The following COLEC10 variants were observed in gnomAD, a reference collection of about 807,000 sequenced individuals.
The protein encoded by COLEC10 is collectin subfamily member 10.
In COLEC10, 22 loss-of-function variants were observed where a neutral mutation model predicts 28.4. That is an observed-to-expected ratio of 0.78 (90% CI 0.55 to 1.11). The LOEUF is 1.11. Ranked by LOEUF, COLEC10 falls within the 50% of genes least tolerant of loss-of-function variation. The probability of loss-of-function intolerance (pLI) is 0.00; values close to 1 mark genes in which losing one functional copy is unlikely to be tolerated. For missense variants in COLEC10, 361 were observed against 344.1 expected, an observed-to-expected ratio of 1.05 and a Z score of -0.39; for synonymous variants, 125 against 116.1, an observed-to-expected ratio of 1.08 and a Z score of -0.49.
chr8:119,008,907 A>G (rs1813856050), intron 1 of COLEC10, among the ~76,000 whole-genome samples: 1 of 151,202 alleles, frequency 6.6e-6, no homozygotes, highest in South Asian at 2.1e-4. Context: ...TGCCTGGCAC[A>G]TAACAGGCAC....
intron 3 of COLEC10, among the ~76,000 whole-genome samples, chr8:119,093,696 A>G (rs1181893613): frequency 6.6e-6 from 1 of 152,188 alleles, no homozygotes; most frequent in Non-Finnish European, 1.5e-5. Flanking sequence ...CTTTTAAGAC[A>G]TATTTCTTTT....
At chr8:118,976,600 G>A in the COLEC10 span, 4 of 152,426 alleles carry the variant, frequency 2.6e-5, no homozygotes, top group African/African-American at 9.6e-5. Context: ...ACGCAAATTC[G>A]TGAAGCGTTC....
At chr8:118,996,224 T>C (rs1813586618) in intron 1 of COLEC10, among the ~76,000 whole-genome samples, 2 of 152,232 alleles carry the variant, frequency 1.3e-5, no homozygotes, top group South Asian at 4.1e-4. Flanking sequence ...TGGCTAAGGC[T>C]GAATAGTTTT....
chr8:119,000,663 A>G (rs1409134653), intron 1 of COLEC10, among the ~76,000 whole-genome samples: 32 of 152,134 alleles, frequency 2.1e-4, no homozygotes, highest in Non-Finnish European at 4.4e-4. Flanking sequence ...GCAAAAGGGA[A>G]TGGAGGTCAG....
At chr8:119,040,733 C>A (rs1814479495) in intron 2 of COLEC10, among the ~76,000 whole-genome samples, 1 of 152,090 alleles carries the variant, frequency 6.6e-6, no homozygotes, top group Non-Finnish European at 1.5e-5. Context: ...ATAAAGGAAC[C>A]AACAAGAGAC....
At chr8:118,984,822 T>G in the COLEC10 span, among the ~76,000 whole-genome samples, 1 of 152,164 alleles carries the variant, frequency 6.6e-6, no homozygotes, top group Non-Finnish European at 1.5e-5. Context: ...CACAGTTCCA[T>G]GTGGCTGAAG....
chr8:119,022,753 GTAGTCACAGTA>G lies in COLEC10; in HGVS notation n.235+13201_235+13211del. Among the ~76,000 whole-genome samples the G allele has an allele frequency of 2.0e-5, 3 of 152,132 alleles. No homozygotes were observed. In the East Asian group the frequency reaches 5.8e-4, roughly 29 times the overall value. On this transcript the variant is annotated intron_variant and non_coding_transcript_variant, in intron 2 of 6. Coordinates refer to the COLEC10 transcript ENST00000521788. ...CTCCACTGGCTGCCTCCCCAGCTCA[GTAGTCACAGTA>G]ATCCTTTTAAAATGTAAGCCAGATC...
chr8:118,998,024 A>G (rs867903994), intron 1 of COLEC10, among the ~76,000 whole-genome samples: 2 of 152,322 alleles, frequency 1.3e-5, no homozygotes, highest in East Asian at 1.9e-4. Context: ...CATATGATCA[A>G]TCAAGACCTG....
intron 2 of COLEC10, among the ~76,000 whole-genome samples, chr8:119,037,408 GA>G (rs1814408637): frequency 6.6e-6 from 1 of 151,896 alleles, no homozygotes; most frequent in African/African-American, 2.4e-5. Flanking sequence ...TTCTAAACTT[GA>G]TATTTTTTTT....
chr8:119,103,730 A>G, intron 4 of COLEC10, 70 bp from the exon 5 acceptor site: 1 of 881,586 alleles, frequency 1.1e-6, no homozygotes, highest in Admixed American at 1.8e-5. Context: ...TATTGGAAAG[A>G]GAGCAAATGT....
At chr8:119,059,262 A>G (rs1563730203) in intron 2 of COLEC10, among the ~76,000 whole-genome samples, 4 of 151,538 alleles carry the variant, frequency 2.6e-5, no homozygotes, top group Non-Finnish European at 5.9e-5. Context: ...CTTTTGGTGT[A>G]CTAAGAAACT....
intron 1 of COLEC10, among the ~76,000 whole-genome samples, chr8:119,072,895 A>G (rs1038188335): frequency 6.6e-6 from 1 of 152,234 alleles, no homozygotes; most frequent in African/African-American, 2.4e-5. Flanking sequence ...CTATTTGGCC[A>G]TCCACTATTT....
At chr8:119,092,066 A>ATTTTT (rs34152820) in intron 3 of COLEC10, among the ~76,000 whole-genome samples, 1 of 124,470 alleles carries the variant, frequency 8.0e-6, no homozygotes, top group Non-Finnish European at 1.7e-5. Context: ...TCTTGTCCTA[A>ATTTTT]TTTTTTTTTT....
intron 2 of COLEC10, among the ~76,000 whole-genome samples, chr8:119,090,462 AAAAG>A (rs1311509072): frequency 1.3e-5 from 2 of 152,222 alleles, no homozygotes; most frequent in Non-Finnish European, 2.9e-5. Flanking sequence ...TGAATAGTTT[AAAAG>A]AAAGAGAGAC....
At position 119,106,767 on chromosome 8, in the gene COLEC10, G is replaced by C. The variant is rs1055387663; in HGVS notation, c.*576G>C. 4.6e-5 allele frequency among the ~76,000 whole-genome samples: 7 copies of C among 152,260 alleles called. No homozygotes were observed. In the South Asian group the frequency reaches 6.2e-4, roughly 14 times the overall value. The stretch of plus-strand genomic sequence containing the variant: ...GCTTTAACCCCAAACCTTTATATGG[G>C]GGACTTCTAGCTTTGTGTCTTGTTT... On this transcript the variant is annotated 3_prime_UTR_variant, in exon 6 of 6. Transcript: ENST00000332843.
At chr8:119,039,685 T>C (rs1008871741) in intron 2 of COLEC10, among the ~76,000 whole-genome samples, 1 of 152,224 alleles carries the variant, frequency 6.6e-6, no homozygotes, top group African/African-American at 2.4e-5. Flanking sequence ...TGAGTCTCTG[T>C]TCTGAAGGTT....
the COLEC10 span, among the ~76,000 whole-genome samples, chr8:118,979,693 A>C: frequency 2.0e-5 from 3 of 152,168 alleles, no homozygotes; most frequent in African/African-American, 7.2e-5. Context: ...ATGTCATTTC[A>C]AGTATTGTTC....
chr8:119,099,967 T>C (rs1815791450), intron 3 of COLEC10, among the ~76,000 whole-genome samples: 2 of 152,170 alleles, frequency 1.3e-5, no homozygotes, highest in Non-Finnish European at 2.9e-5. Flanking sequence ...ACTAGGATCA[T>C]AGCATAACTG....
chr8:119,067,202 C>A (rs1814982690), upstream of COLEC10: 5 of 1,447,314 alleles, frequency 3.5e-6, no homozygotes, highest in South Asian at 5.1e-5. Flanking sequence ...TCCCCTTCTT[C>A]CCCAAAGCAG....
Sources: allele counts gnomAD v4.1 joint callset (sites outside exome capture counted in the v4.1 genomes callset), GRCh38; gene constraint gnomAD v4.1.1; transcripts MANE v1.5; gene names NCBI Gene and HGNC (gene_info 2026-07-23, HGNC 2026-07-21).